Variants in SCFD1 observed in about 807,000 individuals in gnomAD.
SCFD1 encodes the protein sec1 family domain containing 1.
Under a neutral mutation model 103.2 loss-of-function variants are expected in SCFD1, and 37 were observed. The ratio of observed to expected loss-of-function variants is 0.36; its 90% CI spans 0.28 to 0.47. The LOEUF is 0.47. SCFD1 is among the 20% of genes least tolerant of loss of function. The pLI is 1.00. For synonymous variants in SCFD1, 264 were observed against 245.0 expected, an observed-to-expected ratio of 1.08 and a Z score of -0.73; for missense variants, 639 against 761.2, an observed-to-expected ratio of 0.84 and a Z score of 1.89.
intron 21 of SCFD1, 46 bp from the exon 22 acceptor site, chr14:30,721,836 AAT>A: frequency 6.7e-7 from 1 of 1,497,938 alleles, no homozygotes; most frequent in East Asian, 2.3e-5. Context: ...TTTTATTCAT[AAT>A]AAAAGCCATG....
Position 30,648,721 on chromosome 14 carries a change from A to G in SCFD1, c.614-807A>G, listed in dbSNP as rs961066361. ...GAGCTCAGACCAGCCTGGACAGCAT[A>G]GTGAAACTTTGTCTACAACCTTTCG... On this transcript the variant is annotated intron_variant, in intron 7 of 24. Coordinates refer to ENST00000458591, the MANE Select transcript of SCFD1 (RefSeq NM_016106.4). 7.9e-5 allele frequency among the ~76,000 whole-genome samples: 12 copies of G among 152,196 alleles called. 1 individual carries two copies. Among genetic ancestry groups the G allele is most frequent in the Admixed American group, 5.2e-4 (8 of 15,284 alleles).
At chr14:30,648,142 A>G (rs964990062) in intron 7 of SCFD1, among the ~76,000 whole-genome samples, 3 of 152,284 alleles carry the variant, frequency 2.0e-5, no homozygotes, top group Admixed American at 1.3e-4. Flanking sequence ...ATCCATTTCT[A>G]ATTCTAATGG....
At chr14:30,654,290 C>T (rs1886685006) in intron 10 of SCFD1, among the ~76,000 whole-genome samples, 1 of 152,208 alleles carries the variant, frequency 6.6e-6, no homozygotes, top group South Asian at 2.1e-4. Flanking sequence ...AAAACTAACA[C>T]TGTAGTTTAC....
intron 16 of SCFD1, among the ~76,000 whole-genome samples, chr14:30,701,457 A>C (rs1310373386): frequency 6.6e-6 from 1 of 152,028 alleles, no homozygotes; most frequent in Non-Finnish European, 1.5e-5. Context: ...CGGGAGGCTG[A>C]GGCAGGAGAA....
In SCFD1 at chr14:30,715,931, C is replaced by A. The variant is rs750587054; in HGVS notation, c.1637C>A (p.Pro546His). Reference sequence around the variant, plus strand: ...CAAAATACTTTTCCACAGAATCTACCTGTTACTCGTATTTTGGACAATCTT... The same window carrying A: ...CAAAATACTTTTCCACAGAATCTACATGTTACTCGTATTTTGGACAATCTT... ...KNLVLKQQNL[P>H]VTRILDNLME... Residue 546 changes from proline (P) to histidine (H), a missense_variant, in exon 20 of 25, where the codon CCT (proline) becomes CAT (histidine). Coordinates refer to ENST00000458591, the MANE Select transcript of SCFD1 (RefSeq NM_016106.4). The A allele has an allele frequency of 6.5e-7, 1 of 1,541,904 alleles. No individual in the cohort carries two copies. The highest frequency in any genetic ancestry group is 8.8e-7 in the Non-Finnish European group (1 of 1,131,278).
chr14:30,714,469 A>G (rs957025578), intron 19 of SCFD1, among the ~76,000 whole-genome samples: 2 of 152,056 alleles, frequency 1.3e-5, no homozygotes, highest in African/African-American at 4.8e-5. Context: ...TTGTATTTAT[A>G]TTTGAAAGTA....
At chr14:30,694,174 A>G (rs1374307430) in intron 14 of SCFD1, among the ~76,000 whole-genome samples, 6 of 152,240 alleles carry the variant, frequency 3.9e-5, no homozygotes, top group Non-Finnish European at 4.4e-5. Flanking sequence ...ACCACCTGAC[A>G]TGAATTTTGC....
intron 10 of SCFD1, among the ~76,000 whole-genome samples, chr14:30,662,386 A>G (rs763944603): frequency 5.3e-5 from 8 of 152,162 alleles, no homozygotes; most frequent in African/African-American, 9.6e-5. Flanking sequence ...GGTGGAGCCA[A>G]TGGGTAGTTT....
chr14:30,652,406 ATATAAT>A (rs1162787856), intron 9 of SCFD1: 1 of 152,172 alleles, frequency 6.6e-6, no homozygotes, highest in Non-Finnish European at 1.5e-5. Flanking sequence ...GGGGATAATA[ATATAAT>A]TAGGTACCAT....
intron 19 of SCFD1, among the ~76,000 whole-genome samples, chr14:30,711,153 ACT>A (rs140188447): frequency 0.034 from 5,251 of 152,218 alleles, 117 homozygotes; most frequent in Middle Eastern, 0.061. Context: ...TTTCTGTTTT[ACT>A]CTCTTTGGCC....
intron 19 of SCFD1, among the ~76,000 whole-genome samples, chr14:30,711,198 A>C (rs979134647): frequency 2.6e-5 from 4 of 152,244 alleles, no homozygotes; most frequent in African/African-American, 9.6e-5. Context: ...TTTAAAAATG[A>C]ATTAACAACA....
Position 30,633,361 on chromosome 14 carries a change from CTT to C in SCFD1, c.222-585_222-584del, listed in dbSNP as rs1481552690. On this transcript the variant is annotated intron_variant, in intron 3 of 24. Transcript: ENST00000458591. ...GTAAAAGGAGAAAACTGTAAAATGA[CTT>C]AATCTATAAGATGCTTACATTCTCT... Among the ~76,000 whole-genome samples, 13 of 152,228 alleles carry C rather than the reference CTT, an allele frequency of 8.5e-5. No individual in the cohort carries two copies. In the East Asian group the frequency reaches 2.5e-3, roughly 29 times the overall value.
intron 10 of SCFD1, chr14:30,669,645 A>G (rs1888355925): frequency 6.6e-6 from 1 of 152,076 alleles, no homozygotes; most frequent in Non-Finnish European, 1.5e-5. Flanking sequence ...CCTGACTCTT[A>G]AAGTTTGTGT....
At chr14:30,695,408 C>A (rs1890625012) in intron 15 of SCFD1, among the ~76,000 whole-genome samples, 4 of 151,844 alleles carry the variant, frequency 2.6e-5, no homozygotes. Context: ...GCAAAAGAAG[C>A]CAGGCGCAGA....
intron 10 of SCFD1, among the ~76,000 whole-genome samples, chr14:30,667,684 A>G (rs955273371): frequency 8.5e-5 from 13 of 152,238 alleles, no homozygotes; most frequent in African/African-American, 2.9e-4. Flanking sequence ...AATCTCCTTA[A>G]GCTGATAAGC....
intron 4 of SCFD1, chr14:30,634,812 A>T (rs1884551746): frequency 2.2e-6 from 1 of 455,916 alleles, no homozygotes; most frequent in South Asian, 1.5e-5. Flanking sequence ...ATCTATGTTC[A>T]CATCAACAAG....
At chr14:30,636,267 T>G (rs1001291850) in intron 4 of SCFD1, among the ~76,000 whole-genome samples, 5 of 147,318 alleles carry the variant, frequency 3.4e-5, no homozygotes, top group South Asian at 4.3e-4. Context: ...AGTTTATCGG[T>G]TTTTTTTTTT....
In SCFD1 at chr14:30,638,802, A is replaced by G. The variant is rs1377317196; in HGVS notation, c.435+555A>G. ...TCAGTTATAAATCAATTTGTAAAAT[A>G]TATTTCAGGTTATAATCCTGTAATG... On this transcript the variant is annotated intron_variant, in intron 5 of 24. Coordinates refer to ENST00000458591, the MANE Select transcript of SCFD1 (RefSeq NM_016106.4). Among the ~76,000 whole-genome samples, 7 of 152,336 alleles carry G rather than the reference A, an allele frequency of 4.6e-5. 1 individual carries two copies. The East Asian group carries it at 1.3e-3, about 29-fold the overall frequency.
intron 14 of SCFD1, among the ~76,000 whole-genome samples, chr14:30,679,769 A>G (rs1889327951): frequency 6.6e-6 from 1 of 152,080 alleles, no homozygotes; most frequent in Non-Finnish European, 1.5e-5. Context: ...ACTGAACTAG[A>G]AGTCAGAACA....
Sources: allele counts gnomAD v4.1 joint callset (sites outside exome capture counted in the v4.1 genomes callset), GRCh38; gene constraint gnomAD v4.1.1; transcripts MANE v1.5; gene names NCBI Gene and HGNC (gene_info 2026-07-23, HGNC 2026-07-21).